The following XKR9 variants were observed in gnomAD, a reference collection of about 807,000 sequenced individuals.
XKR9 encodes XK related 9.
A neutral mutation model predicts 32.0 loss-of-function variants in XKR9; 32 were observed. That is an observed-to-expected ratio of 1.00 (90% CI 0.76 to 1.34). The LOEUF (loss-of-function observed/expected upper bound fraction) is 1.34, where lower values mean the gene tolerates loss of function less well. XKR9 is among the 40% of genes most tolerant of loss of function. XKR9 has a pLI of 0.00. For synonymous variants in XKR9, 168 were observed against 143.4 expected (o/e 1.17, Z -1.22); for missense variants, 546 against 429.7 (o/e 1.27, Z -2.39).
At chr8:71,012,554 A>G in the XKR9 span, among the ~76,000 whole-genome samples, 3 of 152,178 alleles carry the variant, frequency 2.0e-5, no homozygotes, top group Non-Finnish European at 2.9e-5. Flanking sequence ...TTGACCCTAA[A>G]AACAGTGACC....
the XKR9 span, among the ~76,000 whole-genome samples, chr8:70,950,148 C>T: frequency 6.6e-6 from 1 of 152,180 alleles, no homozygotes; most frequent in African/African-American, 2.4e-5. Flanking sequence ...TAGTATGCCC[C>T]AGACACTGTT....
chr8:70,842,529 T>A, the XKR9 span, among the ~76,000 whole-genome samples: 3 of 139,486 alleles, frequency 2.2e-5, no homozygotes, highest in African/African-American at 5.5e-5. Flanking sequence ...AACACACACA[T>A]CCCTTTACAT....
the XKR9 span, among the ~76,000 whole-genome samples, chr8:71,063,897 CACCTAACAGCAGTTATGGG>C: frequency 6.6e-6 from 1 of 152,292 alleles, no homozygotes; most frequent in Non-Finnish European, 1.5e-5. Context: ...AATGTATACT[CACCTAACAGCAGTTATGGG>C]AAGAACGGGG....
chr8:70,907,605 G>T, the XKR9 span, among the ~76,000 whole-genome samples: 1 of 152,168 alleles, frequency 6.6e-6, no homozygotes, highest in South Asian at 2.1e-4. Flanking sequence ...ACTTTAGCTA[G>T]TATTAATTCC....
chr8:70,757,806 C>T (rs1331674760), intron 2 of XKR9, among the ~76,000 whole-genome samples: 2 of 152,086 alleles, frequency 1.3e-5, no homozygotes, highest in South Asian at 2.1e-4. Context: ...AGGCTGGTCT[C>T]GAACTCCTTA....
intron 3 of XKR9, among the ~76,000 whole-genome samples, chr8:70,686,231 C>T (rs1819272250): frequency 7.3e-6 from 1 of 136,350 alleles, no homozygotes; most frequent in African/African-American, 2.7e-5. Context: ...TTAAATATTT[C>T]ACTCCATTCT....
At chr8:71,022,500 G>A in the XKR9 span, among the ~76,000 whole-genome samples, 1 of 152,066 alleles carries the variant, frequency 6.6e-6, no homozygotes, top group Non-Finnish European at 1.5e-5. Flanking sequence ...CTAGTATGAT[G>A]GGGTTCCCTG....
chr8:70,748,508 C>G lies in XKR9; in HGVS notation n.353-40831C>G, dbSNP rs1284229361. ...CACAAACATGCCAGCCCCCTGCAAC[C>G]TTGGCTCCCTCTAGACTTTGGGTAC... is the stretch of plus-strand genomic sequence containing the variant. On this transcript the variant is annotated intron_variant and non_coding_transcript_variant, in intron 2 of 3. Transcript: ENST00000520273. 3.9e-5 allele frequency among the ~76,000 whole-genome samples: 6 copies of G among 152,366 alleles called. No homozygotes were observed. In the East Asian group the frequency reaches 9.7e-4, roughly 25 times the overall value.
chr8:70,693,964 C>T (rs573913983), intron 3 of XKR9, among the ~76,000 whole-genome samples: 1 of 152,166 alleles, frequency 6.6e-6, no homozygotes, highest in Admixed American at 6.5e-5. Flanking sequence ...GGCTTGGTAG[C>T]TCTGGCAGGG....
the XKR9 span, among the ~76,000 whole-genome samples, chr8:71,042,506 G>T: frequency 6.6e-6 from 1 of 152,146 alleles, no homozygotes; most frequent in Non-Finnish European, 1.5e-5. Flanking sequence ...AGTCCCTACT[G>T]CAGGATGGCT....
the XKR9 span, among the ~76,000 whole-genome samples, chr8:70,926,499 C>A: frequency 6.6e-6 from 1 of 152,160 alleles, no homozygotes; most frequent in African/African-American, 2.4e-5. Context: ...CTGAATACTT[C>A]TTTTATAAAA....
At chr8:70,831,375 G>A in the XKR9 span, among the ~76,000 whole-genome samples, 5 of 151,806 alleles carry the variant, frequency 3.3e-5, no homozygotes, top group South Asian at 2.1e-4. Context: ...CTAGAGAAAA[G>A]GAAAGGAAAT....
downstream of XKR9, among the ~76,000 whole-genome samples, chr8:70,736,319 G>A (rs61659484): frequency 2.0e-5 from 3 of 150,940 alleles, no homozygotes; most frequent in African/African-American, 7.3e-5. Flanking sequence ...GGGGTTGTTT[G>A]TTTTTTCTTG....
chr8:71,009,476 T>C, the XKR9 span, among the ~76,000 whole-genome samples: 4 of 152,204 alleles, frequency 2.6e-5, no homozygotes, highest in Non-Finnish European at 5.9e-5. Context: ...TGTTTGAATC[T>C]TAGCACTACT....
chr8:70,983,744 G>A, the XKR9 span, among the ~76,000 whole-genome samples: 34 of 151,790 alleles, frequency 2.2e-4, no homozygotes, highest in African/African-American at 6.1e-4. Context: ...TCGCACCATC[G>A]CAATCTGGCC....
chr8:70,898,258 A>G, the XKR9 span, among the ~76,000 whole-genome samples: 1 of 152,112 alleles, frequency 6.6e-6, no homozygotes, highest in African/African-American at 2.4e-5. Context: ...TGGGTTCCCT[A>G]TTTTATTCCA....
chr8:70,837,518 G>A, the XKR9 span, among the ~76,000 whole-genome samples: 2 of 152,108 alleles, frequency 1.3e-5, no homozygotes, highest in African/African-American at 4.8e-5. Context: ...GCAGGATAAA[G>A]AACAGGATGA....
At chr8:71,038,686 CAT>C in the XKR9 span, among the ~76,000 whole-genome samples, 2 of 137,346 alleles carry the variant, frequency 1.5e-5, no homozygotes, top group African/African-American at 2.7e-5. Context: ...CTGAGGGAAA[CAT>C]ATTAATTGTA....
In XKR9 at chr8:70,671,725, A is replaced by C. The variant is rs268643; in HGVS notation, c.-361+2187A>C. ...ATATGTGCCACATTTTCTTAATCCA[A>C]TCTATCATTGTTGGACATTTGGGTT... On this transcript the variant is annotated intron_variant, in intron 1 of 4. Coordinates refer to ENST00000408926, the MANE Select transcript of XKR9 (RefSeq NM_001011720.2). Among the ~76,000 whole-genome samples, 2 of 89,882 alleles carry C rather than the reference A, an allele frequency of 2.2e-5. 1 individual carries two copies. The highest frequency in any genetic ancestry group is 7.0e-5 in the African/African-American group (2 of 28,664). 59.0% of individuals were successfully genotyped at this position (89,882 alleles called of 152,430 possible). A position where few individuals can be genotyped will look rare whatever the true frequency, so the allele number is the denominator to read the frequency against.
Sources: gnomAD v4.1 joint callset for allele counts (sites outside exome capture counted in the v4.1 genomes callset) on GRCh38, gnomAD v4.1.1 for gene constraint, MANE v1.5 for transcripts, NCBI Gene and HGNC (gene_info 2026-07-23, HGNC 2026-07-21) for gene names.